PSTPIP1: variants seen among roughly 807,000 people sequenced by gnomAD.
PSTPIP1 encodes proline-serine-threonine phosphatase-interacting protein 1.
Under a neutral mutation model 69.6 loss-of-function variants are expected in PSTPIP1, and 66 were observed. The observed-to-expected ratio is 0.95, with a 90% CI of 0.78 to 1.16. The LOEUF is 1.16. Ranked by LOEUF, PSTPIP1 falls within the 50% of genes most tolerant of loss-of-function variation. The pLI is 0.00. For missense variants in PSTPIP1, 603 were observed against 557.4 expected (o/e 1.08, Z -0.82); for synonymous variants, 266 against 222.7 (o/e 1.19, Z -1.73).
chr15:76,996,250 A>C (rs751453867), intron 1 of PSTPIP1, among the ~76,000 whole-genome samples: 17 of 152,196 alleles, frequency 1.1e-4, no homozygotes, highest in Non-Finnish European at 2.5e-4. Context: ...ACACGGGCTT[A>C]AATCAAGTCA....
At chr15:77,035,642 G>A in intron 13 of PSTPIP1, 79 bp downstream of exon 13, 1 of 1,493,030 alleles carries the variant, frequency 6.7e-7, no homozygotes, top group South Asian at 1.2e-5. Flanking sequence ...CACAGATGGG[G>A]CCACTGAGGC....
chr15:77,016,559 C>A (rs762526521), intron 1 of PSTPIP1, among the ~76,000 whole-genome samples: 1 of 152,168 alleles, frequency 6.6e-6, no homozygotes, highest in Non-Finnish European at 1.5e-5. Flanking sequence ...CTGCTTGTTG[C>A]TCTGTGGACA....
chr15:77,032,335 G>A lies in PSTPIP1; in HGVS notation c.779G>A (p.Ser260Asn), dbSNP rs749077664. 2.5e-6 allele frequency: 4 copies of A among 1,612,496 alleles called. No homozygotes were observed. The highest frequency in any genetic ancestry group is 3.4e-6 in the Non-Finnish European group (4 of 1,179,770). ...GTGCGGCTGACGCTGGAAGGCTGCAGCATAGACGCCGACATCGACAGTTTC... is the reference window on the plus strand; with the variant it reads ...GTGCGGCTGACGCTGGAAGGCTGCAACATAGACGCCGACATCGACAGTTTC... ...EEVRLTLEGC[S>N]IDADIDSFIQ... The change falls in exon 11 of 15, where the codon AGC (serine) becomes AAC (asparagine). Residue 260 changes from serine to asparagine, a missense_variant. Ser to Asn is a conservative substitution (Grantham distance 46). Transcript: ENST00000558012.
At chr15:77,036,840 TG>T (rs954003629) in intron 14 of PSTPIP1, among the ~76,000 whole-genome samples, 1 of 151,952 alleles carries the variant, frequency 6.6e-6, no homozygotes, top group Non-Finnish European at 1.5e-5. Context: ...AAACCCAGGT[TG>T]GGGGAGAACT....
chr15:77,000,476 T>TACACACACAC (rs893354130), intron 1 of PSTPIP1, among the ~76,000 whole-genome samples: 3 of 146,794 alleles, frequency 2.0e-5, no homozygotes, highest in African/African-American at 7.7e-5. Flanking sequence ...TATATATATA[T>TACACACACAC]ACACACACAC....
At chr15:77,036,929 G>T (rs981285391) in intron 14 of PSTPIP1, 116 bp from the exon 15 acceptor site, 2 of 1,418,558 alleles carry the variant, frequency 1.4e-6, no homozygotes, top group Non-Finnish European at 1.9e-6. Flanking sequence ...GGCTGCCCCT[G>T]CCCACCCTGG....
Position 77,001,532 on chromosome 15 carries a change from C to T in PSTPIP1, c.36+5923C>T, listed in dbSNP as rs112167439. Among the ~76,000 whole-genome samples the T allele has an allele frequency of 9.0e-3, 1,377 of 152,344 alleles. 16 individuals are homozygous for T. The highest frequency in any genetic ancestry group is 0.032 in the African/African-American group (1,311 of 41,580). On this transcript the variant is annotated intron_variant, in intron 1 of 14. Coordinates refer to ENST00000558012, the MANE Select transcript of PSTPIP1 (RefSeq NM_003978.5). ...CAGTGGCTGAGGAGTGGCCCTGGTG[C>T]ACTCAGAGCTTGCAGACAGTGCAGG...
intron 7 of PSTPIP1, 123 bp from the exon 8 acceptor site, chr15:77,029,406 A>T (rs968437021): frequency 9.0e-7 from 1 of 1,111,430 alleles, no homozygotes; most frequent in African/African-American, 1.6e-5. Context: ...ATCTGCCCAT[A>T]GTTGGCTCCT....
rs751915664 is a variant in PSTPIP1, at chr15:77,035,577, G to A, written c.985+14G>A. 1 of 1,571,060 alleles carries A rather than the reference G, an allele frequency of 6.4e-7. No homozygotes were observed. Among genetic ancestry groups the A allele is most frequent in the Non-Finnish European group, 8.6e-7 (1 of 1,158,662 alleles). Reference sequence around the variant, plus strand: ...CAGCTTCTGCTGGTAAAGGGGGTCAGGAGGGGACCCCCAAACACACTGATC... The same window carrying A: ...CAGCTTCTGCTGGTAAAGGGGGTCAAGAGGGGACCCCCAAACACACTGATC... On this transcript the variant is annotated intron_variant, in intron 13 of 14. Transcript: ENST00000558012.
At position 77,018,503 on chromosome 15, in the gene PSTPIP1, C is replaced by T. The variant is rs375063664; in HGVS notation, c.184C>T (p.Arg62Trp). 2.2e-5 allele frequency: 35 copies of T among 1,580,204 alleles called. No individual in the cohort carries two copies. The highest frequency in any genetic ancestry group is 2.7e-5 in the African/African-American group (2 of 74,306). ...CGGGAAGGAGCTGGTGCAGATCGCA[C>T]GGAAGGCAGGTGGCCAGACGGAGAT... ...RYGKELVQIARKAGGQTEINS... is the reference protein window; with the variant it reads ...RYGKELVQIAWKAGGQTEINS... The change falls in exon 3 of 15, where the codon CGG becomes TGG. Residue 62 changes from arginine to tryptophan, a missense_variant. By Grantham distance (101) the Arg-to-Trp change is moderately radical. Coordinates refer to ENST00000558012, the MANE Select transcript of PSTPIP1 (RefSeq NM_003978.5).
At chr15:77,007,234 G>T (rs2152669300) in intron 1 of PSTPIP1, among the ~76,000 whole-genome samples, 1 of 152,322 alleles carries the variant, frequency 6.6e-6, no homozygotes, top group South Asian at 2.1e-4. Context: ...TGGAGGCTGG[G>T]TCACCAACTT....
At chr15:77,003,221 G>A (rs1040127909) in intron 1 of PSTPIP1, among the ~76,000 whole-genome samples, 3 of 152,160 alleles carry the variant, frequency 2.0e-5, no homozygotes, top group Admixed American at 6.5e-5. Context: ...CCTGGCTGAC[G>A]CTGCAAACCA....
intron 5 of PSTPIP1, 85 bp downstream of exon 5, chr15:77,025,689 G>GGT: frequency 1.2e-6 from 1 of 837,342 alleles, no homozygotes; most frequent in Non-Finnish European, 1.8e-6. Flanking sequence ...GACCTTCCTG[G>GGT]TAGAGCCAGT....
At chr15:77,025,202 G>A (rs2152683629) in intron 3 of PSTPIP1, 82 bp from the exon 4 acceptor site, 1 of 1,467,894 alleles carries the variant, frequency 6.8e-7, no homozygotes, top group Non-Finnish European at 9.5e-7. Flanking sequence ...CCTCCCCACT[G>A]CCCACCCCGC....
chr15:77,022,174 A>C (rs2076174736), intron 3 of PSTPIP1, among the ~76,000 whole-genome samples: 1 of 152,212 alleles, frequency 6.6e-6, no homozygotes, highest in Admixed American at 6.5e-5. Flanking sequence ...CTCAGAGAGA[A>C]TGACGACATT....
intron 1 of PSTPIP1, among the ~76,000 whole-genome samples, chr15:76,997,108 T>C (rs2075597259): frequency 6.6e-6 from 1 of 152,160 alleles, no homozygotes; most frequent in African/African-American, 2.4e-5. Flanking sequence ...GGGTGGCGTA[T>C]AAGGGAGCAG....
intron 14 of PSTPIP1, among the ~76,000 whole-genome samples, chr15:77,036,332 CAT>C (rs2076572731): frequency 1.3e-5 from 2 of 152,186 alleles, no homozygotes. Flanking sequence ...GCCTGCAGGT[CAT>C]AGCTTGAGGG....
chr15:77,014,052 G>A (rs911420096), intron 1 of PSTPIP1, among the ~76,000 whole-genome samples: 8 of 152,250 alleles, frequency 5.3e-5, no homozygotes, highest in African/African-American at 1.7e-4. Context: ...TTGCTGAACT[G>A]CCCCTGGGTG....
intron 13 of PSTPIP1, 106 bp downstream of exon 13, chr15:77,035,669 G>A: frequency 2.0e-6 from 3 of 1,476,422 alleles, no homozygotes; most frequent in Non-Finnish European, 9.1e-7. Flanking sequence ...GAGGAAGTGT[G>A]TGTCCCCCAA....
Sources: allele counts gnomAD v4.1 joint callset (sites outside exome capture counted in the v4.1 genomes callset), GRCh38; gene constraint gnomAD v4.1.1; transcripts MANE v1.5; gene names NCBI Gene and HGNC (gene_info 2026-07-23, HGNC 2026-07-21).